The following ZBTB38 variants were observed in gnomAD, a reference collection of about 807,000 sequenced individuals.
ZBTB38 encodes the protein zinc finger and BTB domain-containing protein 38.
ZBTB38 carries 20 observed loss-of-function variants against 76.8 expected under a neutral mutation model. The ratio of observed to expected loss-of-function variants is 0.26; its 90% CI spans 0.18 to 0.38. The LOEUF is 0.38. Ranked by LOEUF, ZBTB38 falls within the 10% of genes least tolerant of loss-of-function variation. The pLI is 1.00. For missense variants in ZBTB38, 1,082 were observed against 1,482.3 expected (o/e 0.73, Z 4.43); for synonymous variants, 504 against 544.2 (o/e 0.93, Z 1.03).
At chr3:141,391,921 G>C (rs1029062129) in intron 4 of ZBTB38, among the ~76,000 whole-genome samples, 1 of 151,968 alleles carries the variant, frequency 6.6e-6, no homozygotes, top group Non-Finnish European at 1.5e-5. Context: ...GAACTAGTGA[G>C]GTTTTTTTTC....
chr3:141,440,498 A>T (rs1366687124), intron 5 of ZBTB38, among the ~76,000 whole-genome samples: 1 of 152,244 alleles, frequency 6.6e-6, no homozygotes, highest in East Asian at 1.9e-4. Context: ...TAAATGTTAT[A>T]CTTTACTGCT....
At chr3:141,366,174 C>A (rs1435099413), upstream of ZBTB38, 1 of 152,234 alleles carries the variant, frequency 6.6e-6, no homozygotes. Context: ...ACCCAAGAAT[C>A]TGTGTCTCAC....
At chr3:141,385,099 T>C (rs1946767869) in intron 3 of ZBTB38, among the ~76,000 whole-genome samples, 1 of 152,202 alleles carries the variant, frequency 6.6e-6, no homozygotes, top group Admixed American at 6.5e-5. Flanking sequence ...CTTCAATGTG[T>C]TGCTAACCTG....
chr3:141,368,751 C>G lies in ZBTB38; in HGVS notation c.-363C>G. 1.3e-5 allele frequency: 2 copies of G among 152,050 alleles called. 1 individual carries two copies. 9.4% of individuals were successfully genotyped at this position (152,050 alleles called of 1,614,324 possible). Reference sequence around the variant, plus strand: ...CCAGAGCACGAAAGCGGTTGTGACTCCTGGGCCCAGGGAGTTGACAGCGTC... The same window carrying G: ...CCAGAGCACGAAAGCGGTTGTGACTGCTGGGCCCAGGGAGTTGACAGCGTC... On this transcript the variant is annotated 5_prime_UTR_variant, in exon 1 of 6. Transcript: ENST00000321464.
At chr3:141,326,462 G>A (rs773856513) in intron 1 of ZBTB38, among the ~76,000 whole-genome samples, 12 of 152,114 alleles carry the variant, frequency 7.9e-5, no homozygotes, top group Non-Finnish European at 1.8e-4. Context: ...CAAAAGCAGG[G>A]GGGTTAAGGT....
intron 1 of ZBTB38, among the ~76,000 whole-genome samples, chr3:141,349,597 G>A (rs1317247004): frequency 6.6e-6 from 1 of 152,140 alleles, no homozygotes; most frequent in Non-Finnish European, 1.5e-5. Context: ...GGGTGTAGTG[G>A]TGCAGATCTG....
At chr3:141,383,791 C>T (rs1200820740) in intron 3 of ZBTB38, 6 of 152,294 alleles carry the variant, frequency 3.9e-5, no homozygotes, top group African/African-American at 7.2e-5. Context: ...CAGATTATTT[C>T]GGGTTCCTCG....
chr3:141,393,192 A>G (rs1319351386), intron 4 of ZBTB38, among the ~76,000 whole-genome samples: 1 of 152,208 alleles, frequency 6.6e-6, no homozygotes. Flanking sequence ...CAATAAAACA[A>G]TCCTCTTCCT....
At chr3:141,415,735 G>C (rs142555814) in intron 5 of ZBTB38, among the ~76,000 whole-genome samples, 38 of 152,324 alleles carry the variant, frequency 2.5e-4, no homozygotes, top group African/African-American at 8.4e-4. Context: ...CCCTGCTGTA[G>C]AAATGTATGA....
At chr3:141,377,463 A>T (rs910142166) in intron 2 of ZBTB38, among the ~76,000 whole-genome samples, 2 of 152,222 alleles carry the variant, frequency 1.3e-5, no homozygotes, top group Non-Finnish European at 2.9e-5. Flanking sequence ...AAATGCTGGC[A>T]AACATGTGGG....
intron 5 of ZBTB38, chr3:141,431,960 A>G (rs770235218): frequency 4.8e-6 from 2 of 413,488 alleles, no homozygotes; most frequent in Non-Finnish European, 6.5e-6. Context: ...ACACAGCTCA[A>G]CTCCATAAAG....
intron 5 of ZBTB38, among the ~76,000 whole-genome samples, chr3:141,415,700 G>A (rs974515033): frequency 8.5e-5 from 13 of 152,180 alleles, no homozygotes; most frequent in African/African-American, 3.1e-4. Context: ...CTTAGGCGGT[G>A]GGGTTGAGGG....
intron 5 of ZBTB38, among the ~76,000 whole-genome samples, chr3:141,410,245 A>C (rs1956199822): frequency 6.6e-6 from 1 of 152,058 alleles, no homozygotes; most frequent in Non-Finnish European, 1.5e-5. Flanking sequence ...TTAACCCTCT[A>C]CACTTGAGGA....
At chr3:141,355,373 C>G (rs565325643) in intron 1 of ZBTB38, among the ~76,000 whole-genome samples, 1 of 152,068 alleles carries the variant, frequency 6.6e-6, no homozygotes, top group Non-Finnish European at 1.5e-5. Context: ...GTACAGGAGC[C>G]CTAGTCTTTC....
At chr3:141,425,686 G>T (rs1358392856) in intron 5 of ZBTB38, among the ~76,000 whole-genome samples, 2 of 152,276 alleles carry the variant, frequency 1.3e-5, no homozygotes, top group Admixed American at 6.5e-5. Flanking sequence ...AAACTGGTCA[G>T]TAGGCTAGTG....
chr3:141,351,452 G>A (rs1943509900), intron 1 of ZBTB38, among the ~76,000 whole-genome samples: 1 of 152,036 alleles, frequency 6.6e-6, no homozygotes, highest in African/African-American at 2.4e-5. Context: ...GACCAGGCAT[G>A]GTGGAGAGAA....
chr3:141,428,336 T>G (rs2076785275), intron 5 of ZBTB38, among the ~76,000 whole-genome samples: 1 of 152,222 alleles, frequency 6.6e-6, no homozygotes, highest in South Asian at 2.1e-4. Context: ...CTGCTCTGAC[T>G]TAATTACTGC....
intron 5 of ZBTB38, among the ~76,000 whole-genome samples, chr3:141,439,154 T>C (rs2079528246): frequency 1.3e-5 from 2 of 152,170 alleles, no homozygotes; most frequent in African/African-American, 4.8e-5. Context: ...GACAGTTCTC[T>C]TTCTTCCCCT....
intron 5 of ZBTB38, among the ~76,000 whole-genome samples, chr3:141,439,020 T>C (rs1486279212): frequency 6.6e-6 from 1 of 151,908 alleles, no homozygotes; most frequent in Non-Finnish European, 1.5e-5. Flanking sequence ...ATCCTTCCTA[T>C]ACCCCTGTTT....
Sources: gnomAD v4.1 joint callset for allele counts (sites outside exome capture counted in the v4.1 genomes callset) on GRCh38, gnomAD v4.1.1 for gene constraint, MANE v1.5 for transcripts, NCBI Gene and HGNC (gene_info 2026-07-23, HGNC 2026-07-21) for gene names.